The following PACRG variants were observed in gnomAD, a reference collection of about 807,000 sequenced individuals.
The protein encoded by PACRG is parkin coregulated gene protein.
In PACRG, 29 loss-of-function variants were observed where a neutral mutation model predicts 29.7. The observed-to-expected ratio is 0.98, with a 90% CI of 0.73 to 1.33. PACRG has a LOEUF of 1.33. PACRG is among the 40% of genes most tolerant of loss of function. The probability of loss-of-function intolerance (pLI) is 0.00; values close to 1 mark genes in which losing one functional copy is unlikely to be tolerated. For synonymous variants in PACRG, 116 were observed against 118.7 expected, an observed-to-expected ratio of 0.98 and a Z score of 0.15; for missense variants, 279 against 316.2, an observed-to-expected ratio of 0.88 and a Z score of 0.89.
At chr6:163,197,537 G>C (rs112485157) in intron 4 of PACRG, among the ~76,000 whole-genome samples, 1 of 146,302 alleles carries the variant, frequency 6.8e-6, no homozygotes, top group Admixed American at 7.0e-5. Context: ...TCTGCCTCCC[G>C]GGTTCACGCC....
chr6:163,078,694 C>T (rs1020853286), intron 3 of PACRG, among the ~76,000 whole-genome samples: 3 of 152,124 alleles, frequency 2.0e-5, no homozygotes, highest in Non-Finnish European at 2.9e-5. Flanking sequence ...GAGCCTCAGA[C>T]TGAGAATCTT....
intron 1 of PACRG, among the ~76,000 whole-genome samples, chr6:162,732,471 T>A (rs1354173690): frequency 1.3e-5 from 2 of 152,212 alleles, no homozygotes; most frequent in Non-Finnish European, 2.9e-5. Context: ...AGTCTTTAAC[T>A]GGTAGCTCTG....
chr6:163,091,174 G>C (rs1814077015), intron 4 of PACRG, among the ~76,000 whole-genome samples: 1 of 152,174 alleles, frequency 6.6e-6, no homozygotes. Context: ...GAAAATCAGT[G>C]ATGTTCAAAG....
At chr6:162,966,917 G>A in intron 2 of PACRG, among the ~76,000 whole-genome samples, 1 of 152,176 alleles carries the variant, frequency 6.6e-6, no homozygotes, top group East Asian at 1.9e-4. Flanking sequence ...TCATAAGGAA[G>A]AGAAATTTGT....
chr6:163,295,209 T>C lies in PACRG; in HGVS notation c.614-19618T>C, dbSNP rs548319858. On this transcript the variant is annotated intron_variant, in intron 4 of 4. Coordinates refer to ENST00000366888, the MANE Select transcript of PACRG (RefSeq NM_001080379.2). ...ATAAAGCAGTATTCACTTTTATAAT[T>C]ATTCTAGGCTACGTGCCTATTTTTA... Among the ~76,000 whole-genome samples, 55 of 152,364 alleles carry C rather than the reference T, an allele frequency of 3.6e-4. 2 individuals are homozygous for C. In the South Asian group the frequency reaches 0.01, roughly 29 times the overall value.
chr6:163,249,447 A>G (rs1782820238), intron 4 of PACRG, among the ~76,000 whole-genome samples: 1 of 152,224 alleles, frequency 6.6e-6, no homozygotes. Flanking sequence ...TGGCAAGTGC[A>G]TATCACCAGT....
At chr6:162,814,421 A>C in intron 2 of PACRG, 140 bp downstream of exon 2, 1 of 1,086,718 alleles carries the variant, frequency 9.2e-7, no homozygotes, top group Non-Finnish European at 1.3e-6. Context: ...CTCTTAGAGA[A>C]AGCCCCCCTG....
chr6:163,110,506 C>A (rs937688545), intron 4 of PACRG, among the ~76,000 whole-genome samples: 1 of 152,200 alleles, frequency 6.6e-6, no homozygotes, highest in Non-Finnish European at 1.5e-5. Flanking sequence ...GTGCTAAGTG[C>A]CTTTATCTGC....
chr6:163,116,460 G>C (rs1009633895), intron 4 of PACRG, among the ~76,000 whole-genome samples: 2 of 152,124 alleles, frequency 1.3e-5, no homozygotes, highest in Non-Finnish European at 2.9e-5. Flanking sequence ...TATCAAATGG[G>C]GGGGATGTGT....
At chr6:163,274,096 A>G (rs1440628563) in intron 4 of PACRG, among the ~76,000 whole-genome samples, 1 of 151,980 alleles carries the variant, frequency 6.6e-6, no homozygotes, top group Non-Finnish European at 1.5e-5. Context: ...TTTGTTACAT[A>G]TGTATACATG....
At position 163,062,156 on chromosome 6, in the gene PACRG, A is replaced by G; in HGVS notation, c.298A>G (p.Ile100Val). The change falls in exon 3 of 5, where the codon ATT becomes GTT. Residue 100 changes from isoleucine (I) to valine (V), a missense_variant. Ile to Val is a conservative substitution (Grantham distance 29, BLOSUM62 3). Transcript: ENST00000366888. Reference protein sequence around the residue: ...KGNKIAWKVEIEKLDYHHYLP... With the variant: ...KGNKIAWKVEVEKLDYHHYLP... Reference sequence around the variant, plus strand: ...CTTCTTTCTTTACTTTCAGGTAGAAATTGAGAAGCTGGATTACCATCATTA... The same window carrying G: ...CTTCTTTCTTTACTTTCAGGTAGAAGTTGAGAAGCTGGATTACCATCATTA... 1.2e-6 allele frequency: 2 copies of G among 1,613,750 alleles called. No homozygotes were observed. The highest frequency in any genetic ancestry group is 2.7e-5 in the African/African-American group (2 of 74,980).
At chr6:162,903,927 T>A (rs1223161651) in intron 2 of PACRG, among the ~76,000 whole-genome samples, 1 of 152,126 alleles carries the variant, frequency 6.6e-6, no homozygotes. Context: ...GGGAGATTTA[T>A]CTTAGGGAAT....
intron 4 of PACRG, among the ~76,000 whole-genome samples, chr6:163,308,811 C>T (rs1460068504): frequency 2.6e-5 from 4 of 152,174 alleles, no homozygotes; most frequent in Admixed American, 2.6e-4. Context: ...CGCCAGGGCT[C>T]GCTTTCTCTC....
intron 4 of PACRG, among the ~76,000 whole-genome samples, chr6:163,264,593 G>A (rs1310219921): frequency 6.6e-6 from 1 of 152,218 alleles, no homozygotes; most frequent in East Asian, 1.9e-4. Context: ...GCTGGGCCTA[G>A]ACAGAGATTG....
chr6:163,034,881 A>G, intron 2 of PACRG, among the ~76,000 whole-genome samples: 1 of 152,238 alleles, frequency 6.6e-6, no homozygotes, highest in African/African-American at 2.4e-5. Context: ...TTAAGAAAGT[A>G]AAGGAATAAA....
chr6:163,252,478 G>A (rs1471589828), intron 4 of PACRG, among the ~76,000 whole-genome samples: 3 of 152,200 alleles, frequency 2.0e-5, no homozygotes, highest in East Asian at 1.9e-4. Flanking sequence ...GCTGGGTCCC[G>A]TGGCTCTGAC....
At chr6:162,809,762 CTA>C (rs531861009) in intron 1 of PACRG, among the ~76,000 whole-genome samples, 53 of 152,248 alleles carry the variant, frequency 3.5e-4, no homozygotes, top group African/African-American at 1.2e-3. Context: ...GTAAAAATAA[CTA>C]TGTGACTTCT....
intron 1 of PACRG, among the ~76,000 whole-genome samples, chr6:162,796,116 G>T (rs752612399): frequency 2.0e-5 from 3 of 152,168 alleles, no homozygotes; most frequent in African/African-American, 2.4e-5. Context: ...TTTTTAAAAT[G>T]TTAAATAGTA....
At chr6:163,008,537 GTAAT>G (rs1805333371) in intron 2 of PACRG, among the ~76,000 whole-genome samples, 1 of 151,366 alleles carries the variant, frequency 6.6e-6, no homozygotes, top group East Asian at 1.9e-4. Context: ...GGCCCACAGA[GTAAT>G]CATTAGACAA....
Sources: allele counts gnomAD v4.1 joint callset (sites outside exome capture counted in the v4.1 genomes callset), GRCh38; gene constraint gnomAD v4.1.1; transcripts MANE v1.5; gene names NCBI Gene and HGNC (gene_info 2026-07-23, HGNC 2026-07-21).